GRAMD1B: variants seen among roughly 807,000 people sequenced by gnomAD.
GRAMD1B encodes the protein GRAM domain containing 1B, also known as protein Aster-B.
In GRAMD1B, 37 loss-of-function variants were observed where a neutral mutation model predicts 99.7. That is an observed-to-expected ratio of 0.37 (90% confidence interval 0.29 to 0.49). The LOEUF (loss-of-function observed/expected upper bound fraction) is 0.49. Among genes scored for constraint, GRAMD1B ranks in the 20% least tolerant of loss-of-function variants. GRAMD1B has a pLI of 0.98. For synonymous variants in GRAMD1B, 427 were observed against 387.6 expected (o/e 1.10, Z -1.19); for missense variants, 888 against 1,009.2 (o/e 0.88, Z 1.63).
chr11:123,441,006 T>A (rs1051067013), intron 1 of GRAMD1B, among the ~76,000 whole-genome samples: 9 of 152,210 alleles, frequency 5.9e-5, no homozygotes, highest in Admixed American at 3.3e-4. Context: ...CCATGTGAGA[T>A]GTGCCTTTCA....
intron 19 of GRAMD1B, among the ~76,000 whole-genome samples, chr11:123,621,676 C>G (rs368742114): frequency 6.6e-6 from 1 of 152,112 alleles, no homozygotes; most frequent in East Asian, 1.9e-4. Context: ...CAATGTGGCT[C>G]AATGTACAAA....
chr11:123,388,951 A>G (rs1296050862), intron 1 of GRAMD1B, among the ~76,000 whole-genome samples: 1 of 152,196 alleles, frequency 6.6e-6, no homozygotes, highest in African/African-American at 2.4e-5. Context: ...TCCGGGGATC[A>G]AGGTCAACAT....
At chr11:123,379,807 A>T (rs965630174) in intron 1 of GRAMD1B, among the ~76,000 whole-genome samples, 5 of 152,232 alleles carry the variant, frequency 3.3e-5, no homozygotes, top group Admixed American at 6.5e-5. Flanking sequence ...AGTATATTGC[A>T]TATATATGCG....
At chr11:123,459,264 T>C (rs1950303331) in intron 1 of GRAMD1B, 1 of 152,038 alleles carries the variant, frequency 6.6e-6, no homozygotes, top group Non-Finnish European at 1.5e-5. Flanking sequence ...ATCTTCTTTT[T>C]TTTTTTTTGA....
At chr11:123,436,797 C>G (rs538823551) in intron 1 of GRAMD1B, among the ~76,000 whole-genome samples, 2 of 152,206 alleles carry the variant, frequency 1.3e-5, no homozygotes, top group African/African-American at 4.8e-5. Context: ...TACATGTGCA[C>G]AATGTGCAGG....
chr11:123,586,315 C>G (rs1446437023), intron 4 of GRAMD1B, among the ~76,000 whole-genome samples: 1 of 152,206 alleles, frequency 6.6e-6, no homozygotes, highest in East Asian at 1.9e-4. Flanking sequence ...CTGCATCATC[C>G]TCCTAGATGT....
intron 1 of GRAMD1B, among the ~76,000 whole-genome samples, chr11:123,403,451 A>ATAATG (rs1565476644): frequency 1.9e-4 from 9 of 47,210 alleles, no homozygotes; most frequent in African/African-American, 1.0e-3. Flanking sequence ...TGATGATGAT[A>ATAATG]ATAATAATAA....
chr11:123,411,391 T>C (rs1224355602), intron 1 of GRAMD1B, among the ~76,000 whole-genome samples: 1 of 152,160 alleles, frequency 6.6e-6, no homozygotes, highest in Non-Finnish European at 1.5e-5. Context: ...ATATAGCAGG[T>C]ATAATAAATA....
At chr11:123,387,890 G>A (rs1265427129) in intron 1 of GRAMD1B, among the ~76,000 whole-genome samples, 1 of 152,088 alleles carries the variant, frequency 6.6e-6, no homozygotes, top group Non-Finnish European at 1.5e-5. Flanking sequence ...TTGGGAGGCC[G>A]AGGCAGGTGG....
intron 1 of GRAMD1B, among the ~76,000 whole-genome samples, chr11:123,439,083 T>C (rs1949291575): frequency 1.3e-5 from 2 of 152,184 alleles, no homozygotes; most frequent in Admixed American, 1.3e-4. Flanking sequence ...GCCAAGGGGC[T>C]GTTGTGCCTG....
chr11:123,560,795 G>T (rs113747865), intron 2 of GRAMD1B: 20 of 437,072 alleles, frequency 4.6e-5, no homozygotes, highest in Admixed American at 7.3e-5. Context: ...GTCAGAATGG[G>T]GCCCTGGGGG....
intron 1 of GRAMD1B, among the ~76,000 whole-genome samples, chr11:123,416,894 A>G (rs1948249537): frequency 6.6e-6 from 1 of 152,136 alleles, no homozygotes. Flanking sequence ...ATTATTATTA[A>G]TCTGATTTTT....
At chr11:123,482,088 TTTTTTAA>T (rs1951639677) in intron 2 of GRAMD1B, among the ~76,000 whole-genome samples, 1 of 152,060 alleles carries the variant, frequency 6.6e-6, no homozygotes, top group African/African-American at 2.4e-5. Context: ...GATTTTTTAA[TTTTTTAA>T]TTTTTAATTT....
In GRAMD1B at chr11:123,510,011, CTCAG is replaced by C. The variant is rs1940822177; in HGVS notation, c.452+29125_452+29128del. On this transcript the variant is annotated intron_variant, in intron 2 of 19. Coordinates refer to ENST00000635736, the MANE Select transcript of GRAMD1B (RefSeq NM_001387025.1). This position sits in a 1 kb window ranked among gnomAD's most constrained non-coding sequence, Gnocchi z 4.3. The stretch of plus-strand genomic sequence containing the variant: ...GCCCGCTCCTGGCTCCTGTGTAGGC[CTCAG>C]TCAGTCTGAATGTTATTGCAAGGTG... 1 of 152,260 alleles carries C rather than the reference CTCAG, an allele frequency of 6.6e-6. No individual in the cohort carries two copies. The allele number at this position is 152,260 out of a possible 1,614,324, so 9.4% of individuals were successfully genotyped here.
At chr11:123,579,825 C>T (rs567402990) in intron 3 of GRAMD1B, among the ~76,000 whole-genome samples, 2 of 152,266 alleles carry the variant, frequency 1.3e-5, no homozygotes, top group African/African-American at 2.4e-5. Context: ...CCAGGACAGG[C>T]GTCAGGGACC....
intron 2 of GRAMD1B, among the ~76,000 whole-genome samples, chr11:123,569,804 T>C (rs1947854556): frequency 1.3e-5 from 2 of 152,188 alleles, no homozygotes. Flanking sequence ...TCTTAGGAAT[T>C]AGGGACTAGT....
intron 1 of GRAMD1B, among the ~76,000 whole-genome samples, chr11:123,359,584 A>G (rs1405852079): frequency 6.6e-6 from 1 of 152,144 alleles, no homozygotes; most frequent in Non-Finnish European, 1.5e-5. Context: ...CCAAGGTAAC[A>G]TGAACAAACA....
chr11:123,557,420 A>G (rs1351929320), intron 2 of GRAMD1B, among the ~76,000 whole-genome samples: 1 of 152,250 alleles, frequency 6.6e-6, no homozygotes, highest in Non-Finnish European at 1.5e-5. Context: ...TACTTCGTGC[A>G]TCTTAAGGAA....
At position 123,548,325 on chromosome 11, in the gene GRAMD1B, T is replaced by TATATAC. The variant is rs1555067740; in HGVS notation, c.453-29041_453-29040insTATACA. On this transcript the variant is annotated intron_variant, in intron 2 of 19. Coordinates refer to ENST00000635736, the MANE Select transcript of GRAMD1B (RefSeq NM_001387025.1). ...ATATATATATATATATATATATATA[T>TATATAC]ACACACACACACACACACACACACA... Among the ~76,000 whole-genome samples the TATATAC allele has an allele frequency of 1.7e-3, 145 of 86,852 alleles. 1 individual carries two copies. The highest frequency in any genetic ancestry group is 2.3e-3 in the Non-Finnish European group (111 of 47,604). 57.0% of individuals were successfully genotyped at this position (86,852 alleles called of 152,430 possible). A position where few individuals can be genotyped will look rare whatever the true frequency, so the allele number is the denominator to read the frequency against.
Sources: allele counts gnomAD v4.1 joint callset (sites outside exome capture counted in the v4.1 genomes callset), GRCh38; gene constraint gnomAD v4.1.1; non-coding constraint Gnocchi (gnomAD v3.1); transcripts MANE v1.5; gene names NCBI Gene and HGNC (gene_info 2026-07-23, HGNC 2026-07-21).